The following ARHGAP8 variants were observed in gnomAD, a reference collection of about 807,000 sequenced individuals.
The protein encoded by ARHGAP8 is Rho GTPase activating protein 8.
In ARHGAP8, 62 loss-of-function variants were observed where a neutral mutation model predicts 46.1. The ratio of observed to expected loss-of-function variants is 1.34; its 90% confidence interval spans 1.10 to 1.66. The LOEUF is 1.66. Among genes scored for constraint, ARHGAP8 ranks in the 40% most tolerant of loss-of-function variants. The pLI, the probability that ARHGAP8 is intolerant of heterozygous loss-of-function variation, is 0.00. For missense variants in ARHGAP8, 923 were observed against 568.4 expected (o/e 1.62, Z -6.34); for synonymous variants, 375 against 243.1 (o/e 1.54, Z -5.05).
At chr22:44,815,724 G>C (rs1929691733) in intron 5 of ARHGAP8, among the ~76,000 whole-genome samples, 2 of 152,154 alleles carry the variant, frequency 1.3e-5, no homozygotes, top group Admixed American at 1.3e-4. Context: ...CTCAGTATTG[G>C]GAAGCAAGAG....
intron 11 of ARHGAP8, among the ~76,000 whole-genome samples, chr22:44,861,974 C>G (rs1368658977): frequency 6.6e-6 from 1 of 152,212 alleles, no homozygotes; most frequent in Non-Finnish European, 1.5e-5. Context: ...AGCCCATCCC[C>G]AAGATTGCAT....
intron 7 of ARHGAP8, among the ~76,000 whole-genome samples, chr22:44,831,220 T>C (rs1930922010): frequency 6.6e-6 from 1 of 152,248 alleles, no homozygotes; most frequent in African/African-American, 2.4e-5. Context: ...TTTGGTGTTT[T>C]ATCTAAGAAA....
Position 44,799,244 on chromosome 22 carries a change from C to T in ARHGAP8, c.80-2833C>T, listed in dbSNP as rs78910568. Among the ~76,000 whole-genome samples, 18 of 152,340 alleles carry T rather than the reference C, an allele frequency of 1.2e-4. No individual in the cohort carries two copies. In the East Asian group the frequency reaches 2.9e-3, roughly 25 times the overall value. ...TGAGCCCAGGGGCCTTCAAAGCCAC[C>T]AAGGCTGCGTGTGGCCTCTCCCTGT... On this transcript the variant is annotated intron_variant, in intron 2 of 11. Coordinates refer to ENST00000356099, the MANE Select transcript of ARHGAP8 (RefSeq NM_181335.3).
intron 8 of ARHGAP8, among the ~76,000 whole-genome samples, chr22:44,846,491 C>G (rs2069959661): frequency 6.6e-6 from 1 of 152,204 alleles, no homozygotes; most frequent in Non-Finnish European, 1.5e-5. Context: ...CCCTCAAACC[C>G]CAGACCCTGC....
chr22:44,812,980 G>A (rs1929445087), intron 4 of ARHGAP8, among the ~76,000 whole-genome samples: 1 of 152,034 alleles, frequency 6.6e-6, no homozygotes, highest in African/African-American at 2.4e-5. Flanking sequence ...AGGACTCCCA[G>A]GTCCTTCTGA....
intron 2 of ARHGAP8, among the ~76,000 whole-genome samples, chr22:44,793,706 CAGTG>C (rs1273191287): frequency 5.3e-5 from 8 of 152,180 alleles, no homozygotes; most frequent in African/African-American, 1.9e-4. Context: ...ATTGCAGAGA[CAGTG>C]AGTGATGTGG....
chr22:44,830,528 C>A (rs1332986228), intron 7 of ARHGAP8, among the ~76,000 whole-genome samples: 1 of 146,714 alleles, frequency 6.8e-6, no homozygotes, highest in Non-Finnish European at 1.5e-5. Flanking sequence ...TTTTTATTTT[C>A]TTTTATTTAT....
intron 2 of ARHGAP8, among the ~76,000 whole-genome samples, chr22:44,794,069 A>G (rs780339963): frequency 6.6e-6 from 1 of 152,188 alleles, no homozygotes; most frequent in African/African-American, 2.4e-5. Flanking sequence ...AGCCTCGGCC[A>G]GCTGCTCGCG....
intron 4 of ARHGAP8, among the ~76,000 whole-genome samples, chr22:44,813,099 G>T (rs895008139): frequency 7.9e-5 from 12 of 152,260 alleles, no homozygotes; most frequent in African/African-American, 2.6e-4. Context: ...TCTCCAAGGA[G>T]CACAGTCGCC....
chr22:44,778,982 C>T (rs1212450485), intron 1 of ARHGAP8, among the ~76,000 whole-genome samples: 1 of 152,044 alleles, frequency 6.6e-6, no homozygotes, highest in Non-Finnish European at 1.5e-5. Flanking sequence ...CAGCTACCAT[C>T]AGTTCAAAAG....
intron 1 of ARHGAP8, among the ~76,000 whole-genome samples, chr22:44,773,440 T>A (rs1359592071): frequency 6.6e-6 from 1 of 152,222 alleles, no homozygotes; most frequent in Admixed American, 6.5e-5. Flanking sequence ...ATAACACCTT[T>A]CCCAAAAGAC....
rs754333566 is a variant in ARHGAP8, at chr22:44,845,266, C to T, written c.597-3C>T. 4.3e-6 allele frequency: 7 copies of T among 1,613,978 alleles called. No individual in the cohort carries two copies. The Admixed American group carries it at 8.3e-5, about 19-fold the overall frequency. Reference sequence around the variant, plus strand: ...ACTGCGACTTTCTTTTCTGTTTTCTCAGCCTCAAAGACAAAAATCAAGGCG... The same window carrying T: ...ACTGCGACTTTCTTTTCTGTTTTCTTAGCCTCAAAGACAAAAATCAAGGCG... On this transcript the variant is annotated splice_polypyrimidine_tract_variant and splice_region_variant and intron_variant, in intron 7 of 11. Transcript: ENST00000356099.
intron 4 of ARHGAP8, among the ~76,000 whole-genome samples, chr22:44,811,820 AC>A (rs1311859418): frequency 2.0e-5 from 3 of 151,750 alleles, no homozygotes; most frequent in Admixed American, 6.6e-5. Context: ...ACATGGTGAA[AC>A]CCCATCTCTA....
intron 7 of ARHGAP8, among the ~76,000 whole-genome samples, chr22:44,844,217 ACTT>A (rs2069900377): frequency 6.6e-6 from 1 of 152,058 alleles, no homozygotes; most frequent in Non-Finnish European, 1.5e-5. Flanking sequence ...TGGTCTGTCC[ACTT>A]TGGCCTCCCA....
rs528651618 is a variant in ARHGAP8, at chr22:44,848,957, C to T, written c.774C>T (p.Tyr258=). The T allele has an allele frequency of 3.7e-5, 60 of 1,614,094 alleles. No homozygotes were observed. The highest frequency in any genetic ancestry group is 8.8e-5 in the South Asian group (8 of 91,078). ...GGAAGCCCGTGAACTTTGACGACTA[C>T]GGGGACATTCACATCCCTGCCGTGA... is the stretch of plus-strand genomic sequence containing the variant. ...NQGKPVNFDD[Y]GDIHIPAVIL... The change falls in exon 10 of 12, where the codon TAC becomes TAT. Residue 258 remains tyrosine, a synonymous_variant. Coordinates refer to ENST00000356099, the MANE Select transcript of ARHGAP8 (RefSeq NM_181335.3).
At chr22:44,860,502 G>GT (rs1358252762) in intron 11 of ARHGAP8, among the ~76,000 whole-genome samples, 2 of 151,392 alleles carry the variant, frequency 1.3e-5, no homozygotes, top group African/African-American at 4.9e-5. Context: ...ATGTCACTGG[G>GT]TTTAGGACCC....
chr22:44,774,427 CA>C (rs1362749777), intron 1 of ARHGAP8, among the ~76,000 whole-genome samples: 16 of 149,818 alleles, frequency 1.1e-4, no homozygotes, highest in Admixed American at 9.3e-4. Flanking sequence ...ACAACATCAA[CA>C]AAAAAATGCC....
chr22:44,838,568 C>T (rs1931444768), intron 7 of ARHGAP8, among the ~76,000 whole-genome samples: 1 of 152,178 alleles, frequency 6.6e-6, no homozygotes, highest in Non-Finnish European at 1.5e-5. Flanking sequence ...GCCACCATGC[C>T]CCATCTGAGA....
intron 4 of ARHGAP8, among the ~76,000 whole-genome samples, chr22:44,811,959 C>T (rs1266426017): frequency 2.0e-5 from 3 of 150,734 alleles, no homozygotes; most frequent in African/African-American, 2.4e-5. Context: ...ATCGCGCCAC[C>T]GCACTCCATC....
Sources: gnomAD v4.1 joint callset for allele counts (sites outside exome capture counted in the v4.1 genomes callset) on GRCh38, gnomAD v4.1.1 for gene constraint, MANE v1.5 for transcripts, NCBI Gene and HGNC (gene_info 2026-07-23, HGNC 2026-07-21) for gene names.